Variants in SLC24A2 observed in about 807,000 individuals in gnomAD.
SLC24A2 encodes the protein sodium/potassium/calcium exchanger 2.
SLC24A2 carries 36 observed loss-of-function variants against 62.0 expected under a neutral mutation model. That is an observed-to-expected ratio of 0.58 (90% CI 0.44 to 0.77). The LOEUF is 0.77. Ranked by LOEUF, SLC24A2 falls within the 30% of genes least tolerant of loss-of-function variation. The probability of loss-of-function intolerance (pLI) is 0.00; values close to 1 mark genes in which losing one functional copy is unlikely to be tolerated. For missense variants in SLC24A2, 846 were observed against 817.9 expected, an observed-to-expected ratio of 1.03 and a Z score of -0.42; for synonymous variants, 358 against 294.0, an observed-to-expected ratio of 1.22 and a Z score of -2.23.
intron 8 of SLC24A2, among the ~76,000 whole-genome samples, chr9:19,543,628 GT>G: frequency 6.6e-6 from 1 of 152,116 alleles, no homozygotes; most frequent in East Asian, 1.9e-4. Flanking sequence ...TGTACGTTGT[GT>G]TGTTAGTTCT....
the SLC24A2 span, among the ~76,000 whole-genome samples, chr9:20,226,594 C>A: frequency 6.6e-6 from 1 of 152,046 alleles, no homozygotes; most frequent in Non-Finnish European, 1.5e-5. Context: ...CTTTGGGGCT[C>A]CCTTGGGTGT....
At chr9:19,518,547 G>A (rs189091968) in intron 10 of SLC24A2, among the ~76,000 whole-genome samples, 136 of 151,356 alleles carry the variant, frequency 9.0e-4, no homozygotes, top group African/African-American at 2.8e-3. Flanking sequence ...TCAGCTTCCC[G>A]AGTAGCTGGG....
chr9:19,995,314 A>G, the SLC24A2 span, among the ~76,000 whole-genome samples: 1 of 152,216 alleles, frequency 6.6e-6, no homozygotes, highest in Admixed American at 6.5e-5. Flanking sequence ...AAATATGTTC[A>G]TCCTTCAGTC....
chr9:19,990,931 A>ATATATATATATATATATATG, the SLC24A2 span, among the ~76,000 whole-genome samples: 1 of 119,482 alleles, frequency 8.4e-6, no homozygotes, highest in Admixed American at 8.0e-5. Flanking sequence ...GGATATATAT[A>ATATATATATATATATATATG]TATATGTATG....
At chr9:20,173,227 C>G in the SLC24A2 span, among the ~76,000 whole-genome samples, 21 of 152,028 alleles carry the variant, frequency 1.4e-4, no homozygotes, top group African/African-American at 3.1e-4. Context: ...CAACATAATA[C>G]TGAACGGGGA....
At chr9:20,018,789 A>C in the SLC24A2 span, among the ~76,000 whole-genome samples, 1 of 152,042 alleles carries the variant, frequency 6.6e-6, no homozygotes, top group Non-Finnish European at 1.5e-5. Flanking sequence ...TATCTTAAAA[A>C]GTAGGGTGGT....
chr9:20,107,313 A>G, the SLC24A2 span, among the ~76,000 whole-genome samples: 1 of 151,764 alleles, frequency 6.6e-6, no homozygotes, highest in African/African-American at 2.4e-5. Flanking sequence ...CAAGCTACCA[A>G]TGACTTTCTT....
At chr9:20,102,230 G>C in the SLC24A2 span, among the ~76,000 whole-genome samples, 4 of 152,106 alleles carry the variant, frequency 2.6e-5, no homozygotes, top group African/African-American at 7.2e-5. Context: ...CTAAGAGAGA[G>C]ACTAGATTTT....
intron 7 of SLC24A2, among the ~76,000 whole-genome samples, chr9:19,571,015 CTT>C (rs1835822527): frequency 6.6e-6 from 1 of 152,180 alleles, no homozygotes; most frequent in African/African-American, 2.4e-5. Context: ...ATCTGGGACT[CTT>C]TTGCTCCCCT....
chr9:19,883,592 G>C, the SLC24A2 span, among the ~76,000 whole-genome samples: 1 of 149,278 alleles, frequency 6.7e-6, no homozygotes, highest in African/African-American at 2.5e-5. Flanking sequence ...TTGAGATGGA[G>C]TCTTGCTCTG....
At chr9:20,287,552 G>A in the SLC24A2 span, among the ~76,000 whole-genome samples, 1 of 152,194 alleles carries the variant, frequency 6.6e-6, no homozygotes, top group Non-Finnish European at 1.5e-5. Flanking sequence ...AGCAAGTATA[G>A]ACTTTTCACT....
At chr9:19,868,017 T>C in the SLC24A2 span, among the ~76,000 whole-genome samples, 1 of 151,968 alleles carries the variant, frequency 6.6e-6, no homozygotes, top group Non-Finnish European at 1.5e-5. Flanking sequence ...ACTTATCCTT[T>C]ACTTCTGCTT....
intron 2 of SLC24A2, among the ~76,000 whole-genome samples, chr9:19,652,865 G>A (rs542922824): frequency 4.0e-5 from 6 of 151,524 alleles, no homozygotes; most frequent in Non-Finnish European, 5.9e-5. Flanking sequence ...ACCAATATTC[G>A]TGAAGCCCCT....
the SLC24A2 span, among the ~76,000 whole-genome samples, chr9:20,045,491 GC>G: frequency 6.6e-6 from 1 of 152,066 alleles, no homozygotes; most frequent in Non-Finnish European, 1.5e-5. Flanking sequence ...GAGTGCGGTG[GC>G]ACAATCTTGG....
intron 2 of SLC24A2, among the ~76,000 whole-genome samples, chr9:19,721,158 G>T (rs981110892): frequency 6.6e-6 from 1 of 152,034 alleles, no homozygotes; most frequent in African/African-American, 2.4e-5. Flanking sequence ...TAAAAAGAAA[G>T]AAAGAAGTTG....
At chr9:20,055,208 T>C in the SLC24A2 span, among the ~76,000 whole-genome samples, 11 of 152,268 alleles carry the variant, frequency 7.2e-5, no homozygotes, top group African/African-American at 2.6e-4. Flanking sequence ...GTTAAATAAA[T>C]AGCTACAGAT....
At chr9:19,589,257 G>A (rs1225422800) in intron 5 of SLC24A2, among the ~76,000 whole-genome samples, 1 of 152,186 alleles carries the variant, frequency 6.6e-6, no homozygotes, top group Non-Finnish European at 1.5e-5. Context: ...AACCAACCAT[G>A]GAACAGCCAT....
At chr9:20,274,038 A>T in the SLC24A2 span, among the ~76,000 whole-genome samples, 1 of 152,310 alleles carries the variant, frequency 6.6e-6, no homozygotes, top group East Asian at 1.9e-4. Context: ...ATACCTACTG[A>T]TGTATGTCTC....
the SLC24A2 span, among the ~76,000 whole-genome samples, chr9:19,850,982 T>TAC: frequency 1.2e-4 from 5 of 42,138 alleles, no homozygotes; most frequent in African/African-American, 3.1e-4. Context: ...TATATATATA[T>TAC]ATGTATATAT....
Sources: allele counts gnomAD v4.1 joint callset (sites outside exome capture counted in the v4.1 genomes callset), GRCh38; gene constraint gnomAD v4.1.1; transcripts MANE v1.5; gene names NCBI Gene and HGNC (gene_info 2026-07-23, HGNC 2026-07-21).